PRLR: variants seen among roughly 807,000 people sequenced by gnomAD.
PRLR encodes prolactin receptor, also known as hPRL receptor.
In PRLR, 13 loss-of-function variants were observed where a neutral mutation model predicts 40.2. That is an observed-to-expected ratio of 0.32 (90% CI 0.21 to 0.51). The LOEUF is 0.51. PRLR is among the 20% of genes least tolerant of loss of function. The pLI, the probability that PRLR is intolerant of heterozygous loss-of-function variation, is 0.97. For synonymous variants in PRLR, 269 were observed against 278.7 expected, an observed-to-expected ratio of 0.97 and a Z score of 0.35; for missense variants, 656 against 747.3, an observed-to-expected ratio of 0.88 and a Z score of 1.42.
At chr5:35,159,817 G>A (rs116785100) in intron 1 of PRLR, among the ~76,000 whole-genome samples, 2,912 of 152,250 alleles carry the variant, frequency 0.019, 41 homozygotes, top group Admixed American at 0.028. Flanking sequence ...CAATACTTGG[G>A]ACAATATCAC....
Position 35,064,981 on chromosome 5 carries a change from G to A in PRLR, c.*108C>T, listed in dbSNP as rs2112366284. On this transcript the variant is annotated 3_prime_UTR_variant, in exon 10 of 10. Transcript: ENST00000618457. Reference sequence around the variant, plus strand: ...TAAAAATGGAGCATGAAAGGAGCTGGGAGCTTTAGTAGTGTCAGTCTGACT... The same window carrying A: ...TAAAAATGGAGCATGAAAGGAGCTGAGAGCTTTAGTAGTGTCAGTCTGACT... 3.2e-6 allele frequency: 4 copies of A among 1,251,942 alleles called. No homozygotes were observed. Among genetic ancestry groups the A allele is most frequent in the Non-Finnish European group, 4.4e-6 (4 of 909,254 alleles). 77.6% of individuals were successfully genotyped at this position (1,251,942 alleles called of 1,614,324 possible).
intron 1 of PRLR, among the ~76,000 whole-genome samples, chr5:35,165,737 A>G (rs1433690474): frequency 6.6e-6 from 1 of 152,236 alleles, no homozygotes; most frequent in Non-Finnish European, 1.5e-5. Context: ...TATTTACTGA[A>G]AGAATTATAT....
At chr5:35,200,990 G>C (rs990110741) in intron 1 of PRLR, among the ~76,000 whole-genome samples, 2 of 152,030 alleles carry the variant, frequency 1.3e-5, no homozygotes, top group African/African-American at 4.8e-5. Context: ...CCAATTTTTA[G>C]TTGTATGGAA....
Position 35,064,017 on chromosome 5 carries a change from G to C in PRLR, c.*1072C>G, listed in dbSNP as rs1769197930. 6.6e-6 allele frequency: 1 copy of C among 152,070 alleles called. No homozygotes were observed. The highest frequency in any genetic ancestry group is 1.5e-5 in the Non-Finnish European group (1 of 68,020). The allele number at this position is 152,070 out of a possible 1,614,324, so 9.4% of individuals were successfully genotyped here. On this transcript the variant is annotated 3_prime_UTR_variant, in exon 10 of 10. Transcript: ENST00000618457. ...TTCACAGTGGGCTTTGGGTTGGTAT[G>C]GCATTTTACTCCACAAACGGGAACT...
chr5:35,079,578 A>C (rs1415997568), intron 5 of PRLR, among the ~76,000 whole-genome samples: 3 of 152,238 alleles, frequency 2.0e-5, no homozygotes, highest in Non-Finnish European at 4.4e-5. Context: ...AAATGGAAGA[A>C]CATTCCATGC....
chr5:35,130,893 G>A (rs547993060), intron 1 of PRLR, among the ~76,000 whole-genome samples: 3 of 152,280 alleles, frequency 2.0e-5, no homozygotes, highest in Admixed American at 6.5e-5. Flanking sequence ...GGCAGAGATC[G>A]GAGTGATGCA....
At chr5:35,196,063 A>G (rs201143165) in intron 1 of PRLR, among the ~76,000 whole-genome samples, 4 of 4,560 alleles carry the variant, frequency 8.8e-4, no homozygotes, top group African/African-American at 2.1e-3. Flanking sequence ...ATAAAATAAA[A>G]TAAAATAAAA....
intron 1 of PRLR, among the ~76,000 whole-genome samples, chr5:35,130,014 G>C (rs1225805847): frequency 6.6e-6 from 1 of 152,172 alleles, no homozygotes. Flanking sequence ...AAGTCACAGA[G>C]CCTGCCAGAT....
At chr5:35,125,619 A>AAGCC (rs1773431788) in intron 1 of PRLR, among the ~76,000 whole-genome samples, 1 of 152,228 alleles carries the variant, frequency 6.6e-6, no homozygotes, top group Non-Finnish European at 1.5e-5. Context: ...TAAGCATTTG[A>AAGCC]AGCCACTAAT....
intron 1 of PRLR, among the ~76,000 whole-genome samples, chr5:35,192,086 C>A (rs770733310): frequency 2.2e-4 from 34 of 152,194 alleles, no homozygotes; most frequent in Non-Finnish European, 1.3e-4. Context: ...CTTGACATGA[C>A]CATCATTGGT....
rs1422290693 is a variant in PRLR at position 35,126,536 on chromosome 5, C to T, written c.-105-8414G>A. ...GTTACTGTGTGTGAATATTGGCCCA[C>T]CCGATTCATTACATATAGGCAGCAT... On this transcript the variant is annotated intron_variant, in intron 1 of 9. Transcript: ENST00000618457. Among the ~76,000 whole-genome samples the T allele has an allele frequency of 3.9e-5, 6 of 152,192 alleles. No individual in the cohort carries two copies. The South Asian group carries it at 8.3e-4, about 21-fold the overall frequency.
chr5:35,136,154 C>T (rs559173326), intron 1 of PRLR, among the ~76,000 whole-genome samples: 2 of 152,236 alleles, frequency 1.3e-5, no homozygotes, highest in South Asian at 4.1e-4. Flanking sequence ...AGCTCCCTTC[C>T]CCAACAGGCA....
At position 35,065,776 on chromosome 5, in the gene PRLR, G is replaced by A; in HGVS notation, c.1182C>T (p.Pro394=). 1 of 1,614,096 alleles carries A rather than the reference G, an allele frequency of 6.2e-7. No homozygotes were observed. The stretch of plus-strand genomic sequence containing the variant: ...TTTTGCCTTCCATGCTTATGCACTG[G>A]GGGTCCCAGGTGTGGGTTGTTTCAG... The part of the protein sequence containing the change: ...ENPETTHTWD[P]QCISMEGKIP... The change falls in exon 10 of 10, where the codon CCC becomes CCT. Residue 394 remains proline (P), a synonymous_variant. Transcript: ENST00000618457.
At chr5:35,107,947 T>C (rs372838649) in intron 2 of PRLR, among the ~76,000 whole-genome samples, 1 of 152,272 alleles carries the variant, frequency 6.6e-6, no homozygotes, top group South Asian at 2.1e-4. Context: ...ACCAATATCC[T>C]TGATGAACAT....
At chr5:35,214,617 G>A (rs1295088732) in intron 1 of PRLR, among the ~76,000 whole-genome samples, 1 of 152,116 alleles carries the variant, frequency 6.6e-6, no homozygotes, top group Non-Finnish European at 1.5e-5. Context: ...ATTTCTCAGT[G>A]GTACAGGCTT....
chr5:35,084,608 T>C lies in PRLR; in HGVS notation c.235A>G (p.Ile79Val), dbSNP rs746827446. ...ETLMHECPDY[I>V]TGGPNSCHFG... ...TGGCAGGAGTTGGGGCCACCGGTTA[T>C]GTAGTCTGGACATTCATGCATGAGT... Residue 79 changes from isoleucine to valine, a missense_variant, in exon 5 of 10, where the codon ATA becomes GTA. Physicochemically the swap from Ile to Val is conservative, Grantham distance 29 (BLOSUM62 3). This residue lies in a region of PRLR where 180 missense variants were observed against 236.8 expected (regional missense o/e 0.76). Coordinates refer to ENST00000618457, the MANE Select transcript of PRLR (RefSeq NM_000949.7). The C allele has an allele frequency of 2.9e-5, 47 of 1,611,074 alleles. 1 individual carries two copies. Among genetic ancestry groups the C allele is most frequent in the Non-Finnish European group, 3.7e-5 (44 of 1,178,886 alleles).
chr5:35,115,400 G>A (rs1185814217), intron 2 of PRLR, among the ~76,000 whole-genome samples: 2 of 152,180 alleles, frequency 1.3e-5, no homozygotes, highest in African/African-American at 4.8e-5. Flanking sequence ...TTTGAGTAAT[G>A]CCACAATTTA....
chr5:35,110,864 C>G (rs1772615424), intron 2 of PRLR, among the ~76,000 whole-genome samples: 2 of 152,220 alleles, frequency 1.3e-5, no homozygotes, highest in Admixed American at 1.3e-4. Context: ...TGCTAACTTT[C>G]AGATTACCCT....
At chr5:35,116,589 T>C (rs991391736) in intron 2 of PRLR, among the ~76,000 whole-genome samples, 10 of 152,208 alleles carry the variant, frequency 6.6e-5, no homozygotes, top group Admixed American at 2.0e-4. Flanking sequence ...GTACTCAGCA[T>C]TGCCCTGTTC....
Sources: allele counts gnomAD v4.1 joint callset (sites outside exome capture counted in the v4.1 genomes callset), GRCh38; gene constraint gnomAD v4.1.1; regional missense constraint gnomAD v4.1.1; transcripts MANE v1.5; gene names NCBI Gene and HGNC (gene_info 2026-07-23, HGNC 2026-07-21).